EGFLAM: variants seen among roughly 807,000 people sequenced by gnomAD.
The protein encoded by EGFLAM is EGF like, fibronectin type III and laminin G domains.
EGFLAM carries 79 observed loss-of-function variants against 113.1 expected under a neutral mutation model. The ratio of observed to expected loss-of-function variants is 0.70; its 90% CI spans 0.58 to 0.84. The LOEUF is 0.84. EGFLAM is among the 40% of genes least tolerant of loss of function. The probability of loss-of-function intolerance (pLI) is 0.00; values close to 1 mark genes in which losing one functional copy is unlikely to be tolerated. For missense variants in EGFLAM, 1,265 were observed against 1,291.6 expected, an observed-to-expected ratio of 0.98 and a Z score of 0.32; for synonymous variants, 504 against 487.6, an observed-to-expected ratio of 1.03 and a Z score of -0.44.
chr5:38,333,916 G>GT (rs70978880), intron 1 of EGFLAM, among the ~76,000 whole-genome samples: 4,551 of 29,354 alleles, frequency 0.16, 695 homozygotes, highest in African/African-American at 0.21. Context: ...ATTGTTGAGG[G>GT]TTTTTTTTTT....
At chr5:38,273,619 C>T (rs972348630) in intron 1 of EGFLAM, among the ~76,000 whole-genome samples, 2 of 152,216 alleles carry the variant, frequency 1.3e-5, no homozygotes, top group East Asian at 1.9e-4. Flanking sequence ...CTGTGACAGA[C>T]CTGGGCTTAG....
intron 1 of EGFLAM, among the ~76,000 whole-genome samples, chr5:38,322,079 G>A (rs1166944423): frequency 6.6e-6 from 1 of 152,138 alleles, no homozygotes; most frequent in African/African-American, 2.4e-5. Flanking sequence ...CCGAGCCCTG[G>A]TCTGCCCCAG....
intron 1 of EGFLAM, among the ~76,000 whole-genome samples, chr5:38,260,288 G>A (rs935619601): frequency 6.6e-6 from 1 of 152,126 alleles, no homozygotes; most frequent in African/African-American, 2.4e-5. Context: ...TCTATTAATT[G>A]TCACAATTTT....
chr5:38,367,145 T>TTTG (rs552137444), intron 5 of EGFLAM, among the ~76,000 whole-genome samples: 8 of 152,226 alleles, frequency 5.3e-5, no homozygotes, highest in Non-Finnish European at 1.0e-4. Context: ...TGCCCATGTT[T>TTTG]TTGTTGTTGT....
At chr5:38,369,513 A>G (rs890953909) in intron 5 of EGFLAM, among the ~76,000 whole-genome samples, 10 of 152,344 alleles carry the variant, frequency 6.6e-5, no homozygotes, top group African/African-American at 2.4e-4. Flanking sequence ...AGTGTTTACA[A>G]TTTGATGCCA....
intron 6 of EGFLAM, among the ~76,000 whole-genome samples, chr5:38,373,871 C>T (rs938791195): frequency 1.2e-4 from 19 of 152,166 alleles, no homozygotes; most frequent in Non-Finnish European, 1.9e-4. Context: ...AATTTGCATT[C>T]CCATGAACAG....
At position 38,462,935 on chromosome 5, in the gene EGFLAM, G is replaced by A. The variant is rs751424555; in HGVS notation, c.2799G>A (p.Val933=). The change falls in exon 21 of 22, where the codon GTG becomes GTA. Residue 933 remains valine, a synonymous_variant. Coordinates refer to ENST00000322350, the MANE Select transcript of EGFLAM (RefSeq NM_152403.4). ...ATGGCCAGTCAGGAAAGATAACCGT[G>A]GATGACTATGGAGCCAGAACAGGCA... ...VRDGQSGKIT[V]DDYGARTGKS... is the part of the protein sequence containing the mutation. 8 of 1,614,016 alleles carry A rather than the reference G, an allele frequency of 5.0e-6. No homozygotes were observed. In the African/African-American group the frequency reaches 9.3e-5, roughly 19 times the overall value.
chr5:38,306,268 T>C (rs1758715660), intron 1 of EGFLAM, among the ~76,000 whole-genome samples: 2 of 147,580 alleles, frequency 1.4e-5, no homozygotes, highest in Non-Finnish European at 3.0e-5. Flanking sequence ...GAGCATCACT[T>C]TGAAGGGGCA....
At chr5:38,382,489 GT>G (rs1307966455) in intron 6 of EGFLAM, among the ~76,000 whole-genome samples, 2 of 152,058 alleles carry the variant, frequency 1.3e-5, no homozygotes, top group Non-Finnish European at 2.9e-5. Context: ...TTCCCTTCTG[GT>G]ATCTTTTTGA....
intron 6 of EGFLAM, among the ~76,000 whole-genome samples, chr5:38,373,748 A>G (rs1473191615): frequency 6.6e-6 from 1 of 151,734 alleles, no homozygotes; most frequent in Non-Finnish European, 1.5e-5. Context: ...TTTTTCATAT[A>G]ATGATTTCTT....
At chr5:38,282,975 C>G (rs1335551610) in intron 1 of EGFLAM, among the ~76,000 whole-genome samples, 1 of 152,158 alleles carries the variant, frequency 6.6e-6, no homozygotes, top group African/African-American at 2.4e-5. Flanking sequence ...CCCCAGCCCC[C>G]TGAATAGCTG....
chr5:38,380,080 TAA>T (rs1375780665), intron 6 of EGFLAM, among the ~76,000 whole-genome samples: 4 of 152,250 alleles, frequency 2.6e-5, no homozygotes, highest in African/African-American at 9.6e-5. Flanking sequence ...GATTTGAATT[TAA>T]GTTTTATGTG....
intron 17 of EGFLAM, among the ~76,000 whole-genome samples, chr5:38,440,344 T>G (rs1742492969): frequency 6.6e-6 from 1 of 152,162 alleles, no homozygotes; most frequent in Non-Finnish European, 1.5e-5. Flanking sequence ...ATATCAGAGG[T>G]ATGGCCCCTA....
rs147330418 is a variant in EGFLAM, at chr5:38,427,241, C to A, written c.2043C>A (p.Thr681=). ...VEFRFDCGSG[T]GVLRSEDPLT... ...TCCGCTTTGACTGTGGCTCTGGGAC[C>A]GGTGTCCTCAGGTGAGGGCTGAAAA... The change falls in exon 14 of 22, where the codon ACC becomes ACA. Residue 681 remains threonine (T), a synonymous_variant. Coordinates refer to ENST00000322350, the MANE Select transcript of EGFLAM (RefSeq NM_152403.4). 10 of 1,613,884 alleles carry A rather than the reference C, an allele frequency of 6.2e-6. No homozygotes were observed. The African/African-American group carries it at 8.0e-5, about 13-fold the overall frequency.
chr5:38,447,522 G>A (rs535813898), intron 17 of EGFLAM, among the ~76,000 whole-genome samples: 18 of 152,238 alleles, frequency 1.2e-4, no homozygotes, highest in Admixed American at 5.9e-4. Context: ...TTAGGAGGCC[G>A]AGGCGGGTGG....
chr5:38,364,436 A>G (rs1199222232), intron 5 of EGFLAM, among the ~76,000 whole-genome samples: 1 of 152,148 alleles, frequency 6.6e-6, no homozygotes, highest in Non-Finnish European at 1.5e-5. Context: ...TAGACTGAGG[A>G]AGCCACTTAA....
chr5:38,300,815 G>A (rs1304152855), intron 1 of EGFLAM, among the ~76,000 whole-genome samples: 2 of 152,194 alleles, frequency 1.3e-5, no homozygotes. Flanking sequence ...AGCAGCAGAG[G>A]TGGTGAGAAG....
intron 17 of EGFLAM, among the ~76,000 whole-genome samples, chr5:38,439,426 G>A (rs1361191540): frequency 6.6e-6 from 1 of 151,566 alleles, no homozygotes; most frequent in African/African-American, 2.4e-5. Context: ...ATAAAGCAAT[G>A]AGCCTCTGAA....
At position 38,463,995 on chromosome 5, in the gene EGFLAM, G is replaced by A. The variant is rs1037241539; in HGVS notation, c.*9G>A. 6.2e-7 allele frequency: 1 copy of A among 1,614,170 alleles called. No homozygotes were observed. Among genetic ancestry groups the A allele is most frequent in the Non-Finnish European group, 8.5e-7 (1 of 1,180,028 alleles). On this transcript the variant is annotated 3_prime_UTR_variant, in exon 22 of 22. Transcript: ENST00000322350. ...CTTGTGGAGCCAAGTAACACCAGCT[G>A]GCCTTGTCCAAGGGACAGAGCCTTC...
Sources: allele counts gnomAD v4.1 joint callset (sites outside exome capture counted in the v4.1 genomes callset), GRCh38; gene constraint gnomAD v4.1.1; transcripts MANE v1.5; gene names NCBI Gene and HGNC (gene_info 2026-07-23, HGNC 2026-07-21).